The following RTN1 variants were observed in gnomAD, a reference collection of about 807,000 sequenced individuals.
The protein encoded by RTN1 is reticulon-1.
A neutral mutation model predicts 65.5 loss-of-function variants in RTN1; 25 were observed. That is an observed-to-expected ratio of 0.38 (90% CI 0.28 to 0.53). RTN1 has a LOEUF of 0.53. RTN1 is among the 20% of genes least tolerant of loss of function. The pLI is 0.79. For missense variants in RTN1, 983 were observed against 1,025.4 expected, an observed-to-expected ratio of 0.96 and a Z score of 0.57; for synonymous variants, 471 against 447.6, an observed-to-expected ratio of 1.05 and a Z score of -0.66.
intron 1 of RTN1, among the ~76,000 whole-genome samples, chr14:59,749,022 C>G (rs933831164): frequency 6.7e-6 from 1 of 149,790 alleles, no homozygotes; most frequent in Non-Finnish European, 1.5e-5. Flanking sequence ...CTCCTGACCT[C>G]AGGTGATCCT....
chr14:59,639,114 G>A (rs746461863), intron 3 of RTN1, among the ~76,000 whole-genome samples: 20 of 152,226 alleles, frequency 1.3e-4, no homozygotes, highest in Admixed American at 5.2e-4. Flanking sequence ...GACGTGAGAA[G>A]AGGAAGAGAG....
chr14:59,648,102 G>T (rs1249643945), intron 3 of RTN1, among the ~76,000 whole-genome samples: 11 of 152,136 alleles, frequency 7.2e-5, no homozygotes. Context: ...CAAATGGGAT[G>T]TTACCATTGA....
At chr14:59,738,204 TC>T (rs1885039483) in intron 2 of RTN1, among the ~76,000 whole-genome samples, 2 of 152,074 alleles carry the variant, frequency 1.3e-5, no homozygotes, top group Non-Finnish European at 2.9e-5. Context: ...AAAGAAACTA[TC>T]ATCAGAGTGA....
At chr14:59,687,563 G>T (rs1479000901) in intron 3 of RTN1, among the ~76,000 whole-genome samples, 2 of 151,972 alleles carry the variant, frequency 1.3e-5, no homozygotes, top group Admixed American at 1.3e-4. Flanking sequence ...TTATGCCCAG[G>T]TGGATCTCCA....
intron 1 of RTN1, among the ~76,000 whole-genome samples, chr14:59,767,191 G>A (rs1357313026): frequency 1.3e-5 from 2 of 152,190 alleles, no homozygotes; most frequent in African/African-American, 4.8e-5. Flanking sequence ...TGAAGACCAG[G>A]CTTCCTAGCC....
intron 3 of RTN1, among the ~76,000 whole-genome samples, chr14:59,718,766 A>G (rs1272133326): frequency 6.6e-6 from 1 of 152,232 alleles, no homozygotes; most frequent in African/African-American, 2.4e-5. Flanking sequence ...AAGCAGCATC[A>G]AAGTTTGGGG....
chr14:59,791,262 C>A (rs1036037570), intron 1 of RTN1, among the ~76,000 whole-genome samples: 4 of 152,108 alleles, frequency 2.6e-5, no homozygotes, highest in African/African-American at 7.2e-5. Context: ...TTAACCTGAA[C>A]AGTTCTGTCA....
chr14:59,845,338 C>T (rs985209460), intron 1 of RTN1, among the ~76,000 whole-genome samples: 12 of 152,150 alleles, frequency 7.9e-5, no homozygotes, highest in African/African-American at 2.9e-4. Context: ...TTTTCTCTTC[C>T]TGTATCCACA....
chr14:59,800,423 CAG>C (rs1382099845), intron 1 of RTN1, among the ~76,000 whole-genome samples: 3 of 152,108 alleles, frequency 2.0e-5, no homozygotes, highest in Admixed American at 6.6e-5. Context: ...TGTTTTGAGT[CAG>C]AGTCTCACTC....
intron 3 of RTN1, among the ~76,000 whole-genome samples, chr14:59,607,783 C>T (rs1047420676): frequency 6.6e-6 from 1 of 151,878 alleles, no homozygotes; most frequent in Non-Finnish European, 1.5e-5. Context: ...GCTACACCAT[C>T]CATACAGTGG....
Position 59,652,163 on chromosome 14 carries a change from A to G in RTN1, c.1766-44671T>C, listed in dbSNP as rs565471313. On this transcript the variant is annotated intron_variant, in intron 3 of 8. Transcript: ENST00000267484. ...CACACCAGTCAGAATGACTATTATT[A>G]AAAAGTTCAAAAAAATAGCAGATGC... Among the ~76,000 whole-genome samples, 9 of 152,364 alleles carry G rather than the reference A, an allele frequency of 5.9e-5. No homozygotes were observed. In the South Asian group the frequency reaches 1.4e-3, roughly 25 times the overall value.
chr14:59,819,431 CA>C lies in RTN1; in HGVS notation c.241+50958del, dbSNP rs138647706. Among the ~76,000 whole-genome samples the C allele has an allele frequency of 3.7e-3, 42 of 11,276 alleles. 6 individuals are homozygous for C. Among genetic ancestry groups the C allele is most frequent in the Non-Finnish European group, 5.9e-3 (16 of 2,714 alleles). The allele number at this position is 11,276 out of a possible 152,430, so 7.4% of individuals were successfully genotyped here. A position where few individuals can be genotyped will look rare whatever the true frequency, so the allele number is the denominator to read the frequency against. ...CCACCACCACCCCCCCCCCACCCCC[CA>C]CCCCCCCCCCCCGGCCACAGCTAGA... On this transcript the variant is annotated intron_variant, in intron 1 of 8. Coordinates refer to ENST00000267484, the MANE Select transcript of RTN1 (RefSeq NM_021136.3).
chr14:59,657,358 G>A (rs940436497), intron 3 of RTN1, among the ~76,000 whole-genome samples: 2 of 152,230 alleles, frequency 1.3e-5, no homozygotes, highest in East Asian at 1.9e-4. Flanking sequence ...GCAGTGAGCC[G>A]AGACTGCGCT....
intron 3 of RTN1, among the ~76,000 whole-genome samples, chr14:59,618,621 C>G (rs1882172351): frequency 6.6e-6 from 1 of 152,206 alleles, no homozygotes. Flanking sequence ...AGGTGAACCC[C>G]TTGGGCAGTT....
chr14:59,852,969 C>T lies in RTN1; in HGVS notation c.241+17421G>A, dbSNP rs529327901. On this transcript the variant is annotated intron_variant, in intron 1 of 8. Transcript: ENST00000267484. ...TGTCTGTGTACATATATATATTAAA[C>T]GCTTAATAAATATTTGTTGAATAAA... 2.4e-4 allele frequency among the ~76,000 whole-genome samples: 36 copies of T among 152,178 alleles called. No homozygotes were observed. The South Asian group carries it at 5.6e-3, about 24-fold the overall frequency.
intron 1 of RTN1, among the ~76,000 whole-genome samples, chr14:59,834,260 G>C (rs1486100657): frequency 6.6e-6 from 1 of 151,976 alleles, no homozygotes; most frequent in Non-Finnish European, 1.5e-5. Flanking sequence ...AAAATTTCTA[G>C]AAGAAAACAC....
At chr14:59,638,687 C>A (rs1183041445) in intron 3 of RTN1, among the ~76,000 whole-genome samples, 1 of 152,200 alleles carries the variant, frequency 6.6e-6, no homozygotes, top group African/African-American at 2.4e-5. Flanking sequence ...TTTTCTCCTG[C>A]AGCTTCCTCA....
intron 1 of RTN1, among the ~76,000 whole-genome samples, chr14:59,760,267 T>C (rs539286207): frequency 1.3e-5 from 2 of 152,260 alleles, no homozygotes; most frequent in East Asian, 3.9e-4. Context: ...GATATCTAGA[T>C]GCAGATATAT....
chr14:59,771,667 G>T (rs1028266695), intron 1 of RTN1, among the ~76,000 whole-genome samples: 2 of 152,118 alleles, frequency 1.3e-5, no homozygotes, highest in South Asian at 4.1e-4. Context: ...TTCTTTCACC[G>T]AGGCTGTATC....
Sources: allele counts gnomAD v4.1 joint callset (sites outside exome capture counted in the v4.1 genomes callset), GRCh38; gene constraint gnomAD v4.1.1; transcripts MANE v1.5; gene names NCBI Gene and HGNC (gene_info 2026-07-23, HGNC 2026-07-21).